Variants in PRKN observed in about 807,000 individuals in gnomAD.
PRKN encodes the protein parkin RBR E3 ubiquitin protein ligase.
Under a neutral mutation model 59.5 loss-of-function variants are expected in PRKN, and 56 were observed. The ratio of observed to expected loss-of-function variants is 0.94; its 90% CI spans 0.76 to 1.18. The LOEUF (loss-of-function observed/expected upper bound fraction) is 1.18. PRKN is among the 50% of genes most tolerant of loss of function. The pLI, the probability that PRKN is intolerant of heterozygous loss-of-function variation, is 0.00. For synonymous variants in PRKN, 250 were observed against 222.1 expected (o/e 1.13, Z -1.12); for missense variants, 657 against 596.4 (o/e 1.10, Z -1.06).
chr6:161,486,017 A>T (rs1201951885), intron 9 of PRKN, among the ~76,000 whole-genome samples: 2 of 152,116 alleles, frequency 1.3e-5, no homozygotes, highest in East Asian at 3.9e-4. Flanking sequence ...TGTAGAAGAG[A>T]TGTTTACTTT....
At chr6:161,906,883 C>T (rs1778170676) in intron 6 of PRKN, among the ~76,000 whole-genome samples, 1 of 151,870 alleles carries the variant, frequency 6.6e-6, no homozygotes, top group African/African-American at 2.4e-5. Flanking sequence ...AAGATGAAGG[C>T]CGGAAGACTC....
intron 1 of PRKN, among the ~76,000 whole-genome samples, chr6:162,589,597 G>A (rs919513225): frequency 9.2e-5 from 14 of 151,798 alleles, no homozygotes; most frequent in African/African-American, 1.2e-4. Flanking sequence ...TATTTGCAAC[G>A]CATTCAAAAC....
Position 162,291,868 on chromosome 6 carries a change from T to A in PRKN, c.172-29103A>T, listed in dbSNP as rs910678016. 3.3e-5 allele frequency among the ~76,000 whole-genome samples: 5 copies of A among 152,006 alleles called. 1 individual carries two copies. In the South Asian group the frequency reaches 1.0e-3, roughly 31 times the overall value. On this transcript the variant is annotated intron_variant, in intron 2 of 11. Transcript: ENST00000366898. Reference sequence around the variant, plus strand: ...GTTGAAGACAAACAAGATGTTCTAATATAGAGCAAACCTGATGAGTCATTT... The same window carrying A: ...GTTGAAGACAAACAAGATGTTCTAAAATAGAGCAAACCTGATGAGTCATTT...
At chr6:162,647,750 T>C (rs968879313) in intron 1 of PRKN, among the ~76,000 whole-genome samples, 13 of 152,128 alleles carry the variant, frequency 8.5e-5, no homozygotes, top group Admixed American at 2.6e-4. Flanking sequence ...AGCAGAAAGT[T>C]TGTTTCTGAG....
chr6:161,386,943 C>G lies in PRKN; in HGVS notation c.1084-66G>C. 1.5e-6 allele frequency: 2 copies of G among 1,300,160 alleles called. No homozygotes were observed. Among genetic ancestry groups the G allele is most frequent in the Non-Finnish European group, 2.2e-6 (2 of 893,770 alleles). The allele number at this position is 1,300,160 out of a possible 1,614,324, so 80.5% of individuals were successfully genotyped here. A position where few individuals can be genotyped will look rare whatever the true frequency, so the allele number is the denominator to read the frequency against. On this transcript the variant is annotated intron_variant, in intron 9 of 11. Transcript: ENST00000366898. This position sits in a 1 kb window ranked among gnomAD's most constrained non-coding sequence, Gnocchi z 4.3. ...TGCATTTGGCAATAACACATTTTTCCTTTTCCAAATTCATTATATTCATTC... is the reference window on the plus strand; with the variant it reads ...TGCATTTGGCAATAACACATTTTTCGTTTTCCAAATTCATTATATTCATTC...
intron 5 of PRKN, among the ~76,000 whole-genome samples, chr6:161,997,525 C>T (rs1233651560): frequency 6.6e-6 from 1 of 152,080 alleles, no homozygotes; most frequent in African/African-American, 2.4e-5. Context: ...TACCAGCCAG[C>T]TAGATGGCAT....
At chr6:162,290,406 C>A (rs781593920) in intron 2 of PRKN, among the ~76,000 whole-genome samples, 18 of 152,132 alleles carry the variant, frequency 1.2e-4, no homozygotes, top group Non-Finnish European at 1.6e-4. Context: ...AAATCTAACA[C>A]AAAATATCAG....
intron 4 of PRKN, among the ~76,000 whole-genome samples, chr6:162,142,676 A>G (rs1267254640): frequency 6.6e-6 from 1 of 152,226 alleles, no homozygotes; most frequent in Non-Finnish European, 1.5e-5. Flanking sequence ...AAAATAGAGT[A>G]AACAAACAGT....
At chr6:161,907,018 T>C (rs1052058699) in intron 6 of PRKN, among the ~76,000 whole-genome samples, 5 of 152,080 alleles carry the variant, frequency 3.3e-5, no homozygotes, top group Admixed American at 3.3e-4. Context: ...CTCAAATGTT[T>C]ATCTCCTTTG....
intron 2 of PRKN, among the ~76,000 whole-genome samples, chr6:162,426,793 T>C (rs952668157): frequency 3.9e-5 from 6 of 152,204 alleles, no homozygotes; most frequent in African/African-American, 7.2e-5. Flanking sequence ...TTTAAAAATA[T>C]TCAAGGCCAC....
chr6:161,691,840 T>TGTGGGTTTTGCATG (rs1273167009), intron 7 of PRKN, among the ~76,000 whole-genome samples: 5 of 151,218 alleles, frequency 3.3e-5, no homozygotes, highest in Non-Finnish European at 7.4e-5. Flanking sequence ...TTTGTTGCTC[T>TGTGGGTTTTGCATG]GCAAATGTCG....
At position 161,751,476 on chromosome 6, in the gene PRKN, C is replaced by T. The variant is rs143733176; in HGVS notation, c.871+34296G>A. On this transcript the variant is annotated intron_variant, in intron 7 of 11. Coordinates refer to ENST00000366898, the MANE Select transcript of PRKN (RefSeq NM_004562.3). ...TACTACATTACACATTTATGATTAC[C>T]TGTAAATTTCACACTGATATTTAAG... Among the ~76,000 whole-genome samples, 1,011 of 152,302 alleles carry T rather than the reference C, an allele frequency of 6.6e-3. 17 individuals are homozygous for T. The highest frequency in any genetic ancestry group is 0.023 in the African/African-American group (949 of 41,556).
chr6:162,134,354 TA>T (rs1781486907), intron 4 of PRKN, among the ~76,000 whole-genome samples: 1 of 152,210 alleles, frequency 6.6e-6, no homozygotes, highest in Non-Finnish European at 1.5e-5. Flanking sequence ...CCAAATCTCT[TA>T]TTAGTTGAAA....
chr6:162,353,983 T>G (rs909123630), intron 2 of PRKN, among the ~76,000 whole-genome samples: 2 of 152,172 alleles, frequency 1.3e-5, no homozygotes, highest in Admixed American at 1.3e-4. Flanking sequence ...TGCAGTTATA[T>G]TATTATTTTA....
At chr6:161,904,611 G>A (rs940065102) in intron 6 of PRKN, among the ~76,000 whole-genome samples, 2 of 152,102 alleles carry the variant, frequency 1.3e-5, no homozygotes, top group African/African-American at 2.4e-5. Context: ...CACTGCACCC[G>A]ACCTCAAATT....
In PRKN at chr6:161,488,083, G is replaced by T. The variant is rs1777394502; in HGVS notation, c.1083+60771C>A. 6.6e-6 allele frequency among the ~76,000 whole-genome samples: 1 copy of T among 152,236 alleles called. No individual in the cohort carries two copies. The highest frequency in any genetic ancestry group is 1.5e-5 in the Non-Finnish European group (1 of 68,050). ...ATGAAGAAAGCAGGGCTGGCTTACA[G>T]GGTGAGATCGTGCAGTGGTTGGGGA... On this transcript the variant is annotated intron_variant, in intron 9 of 11. Transcript: ENST00000366898. The surrounding 1 kb of genome is among the most constrained non-coding windows in gnomAD (Gnocchi z 4.5).
At chr6:162,064,575 G>T (rs192855921) in intron 4 of PRKN, among the ~76,000 whole-genome samples, 178 of 152,264 alleles carry the variant, frequency 1.2e-3, no homozygotes, top group Admixed American at 0.011. Flanking sequence ...TCATCATCAG[G>T]CTACAAAACT....
intron 4 of PRKN, among the ~76,000 whole-genome samples, chr6:162,103,119 A>T (rs1223891374): frequency 2.0e-5 from 3 of 151,894 alleles, no homozygotes; most frequent in Admixed American, 6.6e-5. Context: ...AAATGGTTTT[A>T]AAAAAAACAG....
At chr6:162,352,574 A>G (rs944928084) in intron 2 of PRKN, among the ~76,000 whole-genome samples, 1 of 152,208 alleles carries the variant, frequency 6.6e-6, no homozygotes, top group African/African-American at 2.4e-5. Flanking sequence ...AGAGACTTTC[A>G]GTAACAATCA....
Sources: allele counts gnomAD v4.1 joint callset (sites outside exome capture counted in the v4.1 genomes callset), GRCh38; gene constraint gnomAD v4.1.1; non-coding constraint Gnocchi (gnomAD v3.1); transcripts MANE v1.5; gene names NCBI Gene and HGNC (gene_info 2026-07-23, HGNC 2026-07-21).